EPHA6: variants seen among roughly 807,000 people sequenced by gnomAD.
EPHA6 encodes EPH receptor A6.
Under a neutral mutation model 112.0 loss-of-function variants are expected in EPHA6, and 50 were observed. The observed-to-expected ratio is 0.45, with a 90% CI of 0.36 to 0.56. The LOEUF (loss-of-function observed/expected upper bound fraction) is 0.56. Ranked by LOEUF, EPHA6 falls within the 20% of genes least tolerant of loss-of-function variation. EPHA6 has a pLI of 0.00. For missense variants in EPHA6, 1,280 were observed against 1,417.4 expected, an observed-to-expected ratio of 0.90 and a Z score of 1.56; for synonymous variants, 529 against 490.7, an observed-to-expected ratio of 1.08 and a Z score of -1.03.
chr3:97,167,373 C>G (rs2076566318), intron 3 of EPHA6, among the ~76,000 whole-genome samples: 4 of 151,972 alleles, frequency 2.6e-5, no homozygotes, highest in Admixed American at 2.6e-4. Context: ...ATAGTCCCAG[C>G]TTCCTCTTAA....
chr3:97,043,315 A>G (rs1322825418), intron 3 of EPHA6, among the ~76,000 whole-genome samples: 2 of 152,106 alleles, frequency 1.3e-5, no homozygotes, highest in African/African-American at 4.8e-5. Flanking sequence ...TCAGCTGTAT[A>G]TATCCAAACC....
intron 12 of EPHA6, among the ~76,000 whole-genome samples, chr3:97,601,401 G>C (rs143939731): frequency 6.6e-6 from 1 of 152,238 alleles, no homozygotes; most frequent in African/African-American, 2.4e-5. Flanking sequence ...TCTCCAGAGA[G>C]CCATGTTGAG....
intron 10 of EPHA6, among the ~76,000 whole-genome samples, chr3:97,522,279 A>T (rs553312042): frequency 6.6e-6 from 1 of 152,100 alleles, no homozygotes; most frequent in Non-Finnish European, 1.5e-5. Flanking sequence ...ATTTTGTCAA[A>T]TGCTTTTTCT....
In EPHA6 at chr3:97,080,478, TG is replaced by T. The variant is rs2046685040; in HGVS notation, c.1114+92486del. 2.0e-5 allele frequency among the ~76,000 whole-genome samples: 3 copies of T among 152,278 alleles called. No individual in the cohort carries two copies. In the South Asian group the frequency reaches 6.2e-4, roughly 32 times the overall value. ...AATTAGCATTTTCTATAACTATTTT[TG>T]CAGGAGGCATCTGGAAGAGAATATT... is the stretch of plus-strand genomic sequence containing the variant. On this transcript the variant is annotated intron_variant, in intron 3 of 17. Transcript: ENST00000389672.
At chr3:97,649,168 T>C (rs1484227974) in intron 14 of EPHA6, among the ~76,000 whole-genome samples, 2 of 152,090 alleles carry the variant, frequency 1.3e-5, no homozygotes, top group African/African-American at 4.8e-5. Flanking sequence ...CAGTTCCGTA[T>C]GGCTGGGGAG....
intron 10 of EPHA6, among the ~76,000 whole-genome samples, chr3:97,529,929 A>G (rs937507651): frequency 5.3e-5 from 8 of 152,064 alleles, no homozygotes; most frequent in Admixed American, 4.6e-4. Context: ...AAATACCAAC[A>G]GAATTCTCAT....
chr3:97,125,357 T>G (rs1308330639), intron 3 of EPHA6, among the ~76,000 whole-genome samples: 1 of 152,234 alleles, frequency 6.6e-6, no homozygotes, highest in Admixed American at 6.5e-5. Context: ...CTCACTCAGT[T>G]CAACAAGGTT....
intron 10 of EPHA6, among the ~76,000 whole-genome samples, chr3:97,520,715 G>A (rs2092527792): frequency 6.6e-6 from 1 of 152,120 alleles, no homozygotes; most frequent in Admixed American, 6.6e-5. Context: ...TCTGTTTGGG[G>A]ATCTCTAAGC....
intron 5 of EPHA6, among the ~76,000 whole-genome samples, chr3:97,273,780 C>T (rs1159610277): frequency 2.0e-5 from 3 of 152,096 alleles, no homozygotes; most frequent in Non-Finnish European, 4.4e-5. Context: ...GTGGGAAGGC[C>T]AAACCAAGGA....
At chr3:97,556,678 A>T (rs1013599060) in intron 11 of EPHA6, among the ~76,000 whole-genome samples, 5 of 152,054 alleles carry the variant, frequency 3.3e-5, no homozygotes, top group Admixed American at 3.3e-4. Context: ...GGACAGAGCC[A>T]AACAATATCA....
chr3:97,097,181 T>C (rs2047264968), intron 3 of EPHA6, among the ~76,000 whole-genome samples: 1 of 151,698 alleles, frequency 6.6e-6, no homozygotes, highest in African/African-American at 2.4e-5. Context: ...GCTTAGCTGA[T>C]TTATAAAAAT....
In EPHA6 at chr3:96,814,667, C is replaced by T. The variant is rs1440365942; in HGVS notation, c.44C>T (p.Pro15Leu). 6.7e-7 allele frequency: 1 copy of T among 1,481,550 alleles called. No homozygotes were observed. Among genetic ancestry groups the T allele is most frequent in the African/African-American group, 1.4e-5 (1 of 70,928 alleles). The allele number at this position is 1,481,550 out of a possible 1,614,324, so 91.8% of individuals were successfully genotyped here. The change falls in exon 1 of 18, where the codon CCG becomes CTG. Residue 15 changes from proline to leucine, a missense_variant. Pro to Leu is a moderately conservative substitution (Grantham distance 98). Around this residue, in one of 4 missense-constraint regions of EPHA6, gnomAD observed 220 missense variants for 171.5 expected, o/e 1.28. Transcript: ENST00000389672. The part of the protein sequence containing the change: ...SPPAARSSPA[P>L]QAASSSEAAA... ...CCAGCCGCGAGGAGCTCCCCGGCGC[C>T]GCAGGCAGCGTCCTCCTCCGAAGCA...
chr3:97,345,477 A>G (rs898914152), intron 5 of EPHA6, among the ~76,000 whole-genome samples: 15 of 152,160 alleles, frequency 9.9e-5, no homozygotes, highest in African/African-American at 3.6e-4. Flanking sequence ...AGCATGAAGG[A>G]GAGTTTGATG....
intron 11 of EPHA6, among the ~76,000 whole-genome samples, chr3:97,547,086 A>G (rs2092961498): frequency 2.6e-5 from 4 of 152,136 alleles, no homozygotes; most frequent in African/African-American, 9.7e-5. Context: ...TTCTCCGTCC[A>G]TCTTTGTTCC....
intron 14 of EPHA6, among the ~76,000 whole-genome samples, chr3:97,672,020 C>T (rs1275204243): frequency 5.3e-5 from 8 of 152,110 alleles, no homozygotes; most frequent in Admixed American, 5.2e-4. Context: ...ATTGCGCAGT[C>T]CATCACTGTT....
chr3:97,570,389 G>A (rs1046793599), intron 11 of EPHA6, among the ~76,000 whole-genome samples: 1 of 152,130 alleles, frequency 6.6e-6, no homozygotes, highest in African/African-American at 2.4e-5. Flanking sequence ...ACCTCAATCT[G>A]CCTTAAACAT....
At chr3:97,276,661 T>C (rs1256013026) in intron 5 of EPHA6, among the ~76,000 whole-genome samples, 1 of 152,052 alleles carries the variant, frequency 6.6e-6, no homozygotes, top group African/African-American at 2.4e-5. Flanking sequence ...AGCTTTAAAG[T>C]CGGGAGCGGA....
intron 4 of EPHA6, among the ~76,000 whole-genome samples, chr3:97,237,999 T>C (rs1390882967): frequency 3.9e-5 from 6 of 152,030 alleles, no homozygotes; most frequent in Non-Finnish European, 7.4e-5. Flanking sequence ...ATTATTACAA[T>C]TAGTTATTCT....
intron 2 of EPHA6, among the ~76,000 whole-genome samples, chr3:96,889,373 T>C (rs2037823093): frequency 6.6e-6 from 1 of 152,136 alleles, no homozygotes; most frequent in Non-Finnish European, 1.5e-5. Flanking sequence ...TAAAGACGTA[T>C]CCGAGACTGG....
Sources: allele counts gnomAD v4.1 joint callset (sites outside exome capture counted in the v4.1 genomes callset), GRCh38; gene constraint gnomAD v4.1.1; regional missense constraint gnomAD v4.1.1; transcripts MANE v1.5; gene names NCBI Gene and HGNC (gene_info 2026-07-23, HGNC 2026-07-21).